NEGR1: variants seen among roughly 807,000 people sequenced by gnomAD.
The protein encoded by NEGR1 is IgLON family member 4.
Under a neutral mutation model 40.9 loss-of-function variants are expected in NEGR1, and 10 were observed. The ratio of observed to expected loss-of-function variants is 0.24; its 90% CI spans 0.15 to 0.42. The LOEUF is 0.42. Among genes scored for constraint, NEGR1 ranks in the 10% least tolerant of loss-of-function variants. The pLI is 1.00. For synonymous variants in NEGR1, 185 were observed against 166.8 expected (o/e 1.11, Z -0.84); for missense variants, 352 against 438.9 (o/e 0.80, Z 1.77).
intron 1 of NEGR1, among the ~76,000 whole-genome samples, chr1:72,126,811 G>A (rs918854686): frequency 6.6e-6 from 1 of 152,306 alleles, no homozygotes; most frequent in South Asian, 2.1e-4. Flanking sequence ...GAACGAATAA[G>A]ATGATCCCAA....
intron 4 of NEGR1, among the ~76,000 whole-genome samples, chr1:71,637,626 G>A (rs1651199208): frequency 6.6e-6 from 1 of 151,918 alleles, no homozygotes; most frequent in Non-Finnish European, 1.5e-5. Flanking sequence ...AGATAGAATA[G>A]GGAAGCAGTC....
chr1:71,464,397 T>G (rs1569904507), intron 6 of NEGR1, among the ~76,000 whole-genome samples: 1 of 122,334 alleles, frequency 8.2e-6, no homozygotes. Flanking sequence ...TAAAGATAAC[T>G]AGAGAACATC....
chr1:72,128,691 G>C (rs1212301798), intron 1 of NEGR1, among the ~76,000 whole-genome samples: 2 of 151,902 alleles, frequency 1.3e-5, no homozygotes, highest in South Asian at 4.2e-4. Flanking sequence ...TTAATGTAAC[G>C]TGTCAACTTC....
At chr1:71,672,221 A>T (rs6661576) in intron 4 of NEGR1, among the ~76,000 whole-genome samples, 149,702 of 152,250 alleles carry the variant, frequency 0.98, 73,638 homozygotes, top group Middle Eastern at 1. Context: ...TAAACCATAG[A>T]CACAATAGTC....
chr1:72,213,347 ATTT>A (rs150366041), intron 1 of NEGR1, among the ~76,000 whole-genome samples: 1 of 151,696 alleles, frequency 6.6e-6, no homozygotes, highest in Non-Finnish European at 1.5e-5. Context: ...TGCTTAGAAG[ATTT>A]TTTTTGTTTT....
At chr1:71,420,790 T>G (rs916834200) in intron 6 of NEGR1, among the ~76,000 whole-genome samples, 1 of 152,060 alleles carries the variant, frequency 6.6e-6, no homozygotes, top group Non-Finnish European at 1.5e-5. Flanking sequence ...TTTTGCTTCA[T>G]GCTTTTATAA....
chr1:71,880,661 C>T (rs186622989), intron 2 of NEGR1, among the ~76,000 whole-genome samples: 15 of 152,060 alleles, frequency 9.9e-5, no homozygotes, highest in African/African-American at 2.7e-4. Flanking sequence ...TGGCAAAATA[C>T]GAATTTGCAG....
intron 1 of NEGR1, among the ~76,000 whole-genome samples, chr1:72,049,954 T>A (rs1647042906): frequency 1.3e-5 from 2 of 151,592 alleles, no homozygotes; most frequent in South Asian, 4.1e-4. Context: ...CTACATCTGG[T>A]GCAGATTTTG....
At chr1:71,876,171 A>G (rs1437556720) in intron 2 of NEGR1, among the ~76,000 whole-genome samples, 1 of 152,120 alleles carries the variant, frequency 6.6e-6, no homozygotes, top group African/African-American at 2.4e-5. Flanking sequence ...GTTCTTGTAT[A>G]TATTATAGAA....
At position 71,429,974 on chromosome 1, in the gene NEGR1, G is replaced by A. The variant is rs141094278; in HGVS notation, c.941-22404C>T. On this transcript the variant is annotated intron_variant, in intron 6 of 6. Transcript: ENST00000357731. The stretch of plus-strand genomic sequence containing the variant: ...CTGCCTACTATGTTCAAGGCCTTTT[G>A]CCAGCCCCTGCCTCTCTTCTCAGAA... 1.4e-4 allele frequency among the ~76,000 whole-genome samples: 22 copies of A among 152,240 alleles called. No homozygotes were observed. The East Asian group carries it at 4.1e-3, about 28-fold the overall frequency.
chr1:72,242,671 T>C (rs1654784751), intron 1 of NEGR1, among the ~76,000 whole-genome samples: 4 of 151,738 alleles, frequency 2.6e-5, no homozygotes, highest in African/African-American at 9.7e-5. Context: ...CAGGCACTTA[T>C]GTGCCAGAGA....
At chr1:71,954,153 G>A (rs1361162312) in intron 1 of NEGR1, among the ~76,000 whole-genome samples, 2 of 151,996 alleles carry the variant, frequency 1.3e-5, no homozygotes, top group East Asian at 1.9e-4. Context: ...AAGAGCTGTC[G>A]ACATAACAGT....
intron 1 of NEGR1, among the ~76,000 whole-genome samples, chr1:72,204,058 G>T (rs1027506317): frequency 6.6e-6 from 1 of 152,030 alleles, no homozygotes; most frequent in Non-Finnish European, 1.5e-5. Flanking sequence ...CTTTATTGTG[G>T]TGATCTAGAA....
At chr1:71,589,313 T>A (rs1406258783) in intron 6 of NEGR1, among the ~76,000 whole-genome samples, 2 of 152,144 alleles carry the variant, frequency 1.3e-5, no homozygotes, top group Admixed American at 6.5e-5. Context: ...ATGCTTCTCT[T>A]CCTAGGCTCA....
intron 1 of NEGR1, among the ~76,000 whole-genome samples, chr1:72,035,797 G>T (rs1646896891): frequency 6.6e-6 from 1 of 152,090 alleles, no homozygotes; most frequent in African/African-American, 2.4e-5. Flanking sequence ...ATGAGTTTAG[G>T]TCTTTTTACA....
chr1:71,697,991 A>G lies in NEGR1; in HGVS notation c.667+17T>C. ...CTTTTCTCAGAACTTATCTTGATAA[A>G]AGGTGATGACACTTACAGTTGACAA... On this transcript the variant is annotated intron_variant, in intron 4 of 6. Coordinates refer to ENST00000357731, the MANE Select transcript of NEGR1 (RefSeq NM_173808.3). 6.2e-7 allele frequency: 1 copy of G among 1,604,344 alleles called. No homozygotes were observed. Among genetic ancestry groups the G allele is most frequent in the Non-Finnish European group, 8.5e-7 (1 of 1,175,634 alleles).
chr1:71,927,512 C>A (rs1570512311), intron 2 of NEGR1, among the ~76,000 whole-genome samples: 1 of 152,202 alleles, frequency 6.6e-6, no homozygotes, highest in South Asian at 2.1e-4. Flanking sequence ...TTGCTAAAGT[C>A]TAAGATCACG....
At chr1:72,141,994 A>G (rs1407530634) in intron 1 of NEGR1, among the ~76,000 whole-genome samples, 1 of 152,066 alleles carries the variant, frequency 6.6e-6, no homozygotes, top group African/African-American at 2.4e-5. Context: ...ATAAAGAAAA[A>G]GAATGAAGTA....
At chr1:72,257,765 A>C (rs1462312291) in intron 1 of NEGR1, among the ~76,000 whole-genome samples, 1 of 152,158 alleles carries the variant, frequency 6.6e-6, no homozygotes, top group Non-Finnish European at 1.5e-5. Flanking sequence ...GGCTACATCA[A>C]TTACTTACCT....
Sources: allele counts gnomAD v4.1 joint callset (sites outside exome capture counted in the v4.1 genomes callset), GRCh38; gene constraint gnomAD v4.1.1; transcripts MANE v1.5; gene names NCBI Gene and HGNC (gene_info 2026-07-23, HGNC 2026-07-21).